C1orf21: variants seen among roughly 807,000 people sequenced by gnomAD.
The protein encoded by C1orf21 is chromosome 1 open reading frame 21, also known as uncharacterized protein C1orf21.
Under a neutral mutation model 18.7 loss-of-function variants are expected in C1orf21, and 3 were observed. The observed-to-expected ratio is 0.16, with a 90% CI of 0.07 to 0.42. The LOEUF (loss-of-function observed/expected upper bound fraction) is 0.42. C1orf21 is among the 10% of genes least tolerant of loss of function. C1orf21 has a pLI of 0.99. For synonymous variants in C1orf21, 41 were observed against 46.4 expected, an observed-to-expected ratio of 0.88 and a Z score of 0.47; for missense variants, 104 against 143.6, an observed-to-expected ratio of 0.72 and a Z score of 1.41.
At chr1:184,602,547 A>G (rs927933737) in intron 5 of C1orf21, among the ~76,000 whole-genome samples, 1 of 152,142 alleles carries the variant, frequency 6.6e-6, no homozygotes, top group African/African-American at 2.4e-5. Context: ...AAGTGTTAGC[A>G]TTTGCCTAAC....
chr1:184,562,326 C>T (rs1379544016), intron 3 of C1orf21, among the ~76,000 whole-genome samples: 1 of 152,162 alleles, frequency 6.6e-6, no homozygotes, highest in Non-Finnish European at 1.5e-5. Context: ...GTTGTTCACT[C>T]CACCTTTTAA....
At chr1:184,527,531 C>T (rs774884921) in intron 3 of C1orf21, among the ~76,000 whole-genome samples, 4 of 152,104 alleles carry the variant, frequency 2.6e-5, no homozygotes, top group Non-Finnish European at 5.9e-5. Context: ...ACAGCGGGAG[C>T]AGAGGCCAGG....
intron 2 of C1orf21, among the ~76,000 whole-genome samples, chr1:184,491,379 C>T (rs1200191589): frequency 6.7e-6 from 1 of 149,964 alleles, no homozygotes; most frequent in Non-Finnish European, 1.5e-5. Flanking sequence ...GGTTCTGTCT[C>T]ACTCTGGTTG....
intron 3 of C1orf21, among the ~76,000 whole-genome samples, chr1:184,513,426 G>A (rs1350175699): frequency 6.6e-6 from 1 of 152,216 alleles, no homozygotes; most frequent in Non-Finnish European, 1.5e-5. Context: ...AAGATAATCT[G>A]TTAGAAAAAT....
rs1656332821 is a variant in C1orf21, at chr1:184,410,657, ATATATATTTTTTTT to A, written c.-125+23291_-125+23304del. On this transcript the variant is annotated intron_variant, in intron 1 of 5. Coordinates refer to ENST00000235307, the MANE Select transcript of C1orf21 (RefSeq NM_030806.4). ...TATATATATATATATATATATATAT[ATATATATTTTTTTT>A]TTTTTTTTTTGAGATGGAGTTTCGC... 3.3e-4 allele frequency among the ~76,000 whole-genome samples: 2 copies of A among 5,976 alleles called. 1 individual carries two copies. Among genetic ancestry groups the A allele is most frequent in the Non-Finnish European group, 4.9e-4 (2 of 4,116 alleles). The allele number at this position is 5,976 out of a possible 152,430, so 3.9% of individuals were successfully genotyped here.
At chr1:184,434,865 T>C (rs1448419524) in intron 1 of C1orf21, among the ~76,000 whole-genome samples, 1 of 152,246 alleles carries the variant, frequency 6.6e-6, no homozygotes, top group Non-Finnish European at 1.5e-5. Flanking sequence ...AGGAGTTTGT[T>C]GAAAGTTCTT....
chr1:184,524,468 T>C (rs1658349991), intron 3 of C1orf21, among the ~76,000 whole-genome samples: 1 of 152,100 alleles, frequency 6.6e-6, no homozygotes, highest in Non-Finnish European at 1.5e-5. Context: ...TGAGCCAAGA[T>C]TGTACCCCAC....
intron 1 of C1orf21, among the ~76,000 whole-genome samples, chr1:184,400,119 A>G (rs1656125299): frequency 6.6e-6 from 1 of 152,138 alleles, no homozygotes; most frequent in Non-Finnish European, 1.5e-5. Context: ...TTTTGTGTCC[A>G]GTGTGAGACT....
intron 3 of C1orf21, among the ~76,000 whole-genome samples, chr1:184,533,068 C>T (rs1658491448): frequency 6.6e-6 from 1 of 152,084 alleles, no homozygotes; most frequent in Non-Finnish European, 1.5e-5. Context: ...TAAAGCCCTT[C>T]CTACAGTGGC....
Position 184,625,694 on chromosome 1 carries a change from C to T in C1orf21, c.*6138C>T, listed in dbSNP as rs1020678066. On this transcript the variant is annotated 3_prime_UTR_variant, in exon 6 of 6. Transcript: ENST00000235307. ...AAGTAATAGTATAACTATAGGGATA[C>T]CGAAACAGGAAAAACCAGCCATCAC... The T allele has an allele frequency of 5.9e-5, 9 of 152,474 alleles. No individual in the cohort carries two copies. The highest frequency in any genetic ancestry group is 2.2e-4 in the African/African-American group (9 of 41,406). The allele number at this position is 152,474 out of a possible 1,614,324, so 9.4% of individuals were successfully genotyped here. A position where few individuals can be genotyped will look rare whatever the true frequency, so the allele number is the denominator to read the frequency against.
At chr1:184,499,721 A>T (rs1657944964) in intron 2 of C1orf21, among the ~76,000 whole-genome samples, 1 of 152,032 alleles carries the variant, frequency 6.6e-6, no homozygotes, top group South Asian at 2.1e-4. Flanking sequence ...CTAGACTCAG[A>T]CCAACCAGGA....
At chr1:184,475,339 G>A (rs568076042) in intron 1 of C1orf21, among the ~76,000 whole-genome samples, 256 of 151,858 alleles carry the variant, frequency 1.7e-3, no homozygotes, top group African/African-American at 5.9e-3. Context: ...CCTCAGCCCT[G>A]CCCCCCCATC....
intron 3 of C1orf21, among the ~76,000 whole-genome samples, 159 bp downstream of exon 3, chr1:184,507,841 T>A (rs1160823653): frequency 1.3e-5 from 2 of 152,314 alleles, no homozygotes; most frequent in East Asian, 3.9e-4. Context: ...ATTACTCCTG[T>A]ATCCTGTTTG....
At chr1:184,555,253 C>G (rs903252778) in intron 3 of C1orf21, among the ~76,000 whole-genome samples, 2 of 152,170 alleles carry the variant, frequency 1.3e-5, no homozygotes, top group Admixed American at 1.3e-4. Context: ...CCAGACATCT[C>G]CCCTCCATTT....
chr1:184,540,590 C>T lies in C1orf21; in HGVS notation c.189+32908C>T, dbSNP rs565797546. On this transcript the variant is annotated intron_variant, in intron 3 of 5. Transcript: ENST00000235307. The stretch of plus-strand genomic sequence containing the variant: ...GACTACAGGTGCATGACACCATGCC[C>T]GGCTAAGGTTTTGTATTTTTAGTAG... Among the ~76,000 whole-genome samples, 15 of 152,076 alleles carry T rather than the reference C, an allele frequency of 9.9e-5. No individual in the cohort carries two copies. The South Asian group carries it at 2.5e-3, about 25-fold the overall frequency.
At chr1:184,547,584 G>A (rs1259357924) in intron 3 of C1orf21, among the ~76,000 whole-genome samples, 1 of 152,092 alleles carries the variant, frequency 6.6e-6, no homozygotes, top group Non-Finnish European at 1.5e-5. Flanking sequence ...GTGTACACGT[G>A]TGCACGCACA....
At chr1:184,425,722 A>G (rs565716101) in intron 1 of C1orf21, among the ~76,000 whole-genome samples, 1 of 152,282 alleles carries the variant, frequency 6.6e-6, no homozygotes, top group South Asian at 2.1e-4. Flanking sequence ...TTAGCTTGAA[A>G]GGGCAAGGTC....
intron 3 of C1orf21, among the ~76,000 whole-genome samples, chr1:184,528,628 A>G (rs1658413111): frequency 6.6e-6 from 1 of 152,046 alleles, no homozygotes; most frequent in Non-Finnish European, 1.5e-5. Flanking sequence ...TATTTTTAGT[A>G]GAGACAAGGT....
At chr1:184,455,615 T>C (rs1657186958) in intron 1 of C1orf21, among the ~76,000 whole-genome samples, 1 of 152,150 alleles carries the variant, frequency 6.6e-6, no homozygotes, top group Non-Finnish European at 1.5e-5. Context: ...TGATTACCTT[T>C]CTAGGATTGC....
Sources: gnomAD v4.1 joint callset for allele counts (sites outside exome capture counted in the v4.1 genomes callset) on GRCh38, gnomAD v4.1.1 for gene constraint, MANE v1.5 for transcripts, NCBI Gene and HGNC (gene_info 2026-07-23, HGNC 2026-07-21) for gene names.